LAMB4: variants seen among roughly 807,000 people sequenced by gnomAD.
LAMB4 encodes the protein laminin subunit beta-4.
LAMB4 carries 196 observed loss-of-function variants against 199.2 expected under a neutral mutation model. The ratio of observed to expected loss-of-function variants is 0.98; its 90% confidence interval spans 0.88 to 1.11. LAMB4 has a LOEUF of 1.11. LAMB4 is among the 50% of genes least tolerant of loss of function. LAMB4 has a pLI of 0.00. For synonymous variants in LAMB4, 744 were observed against 770.6 expected (o/e 0.97, Z 0.57); for missense variants, 2,080 against 2,171.2 (o/e 0.96, Z 0.83).
At chr7:108,100,637 T>C (rs888888292) in intron 10 of LAMB4, among the ~76,000 whole-genome samples, 6 of 152,246 alleles carry the variant, frequency 3.9e-5, no homozygotes, top group Non-Finnish European at 7.3e-5. Flanking sequence ...AAGACTTTGA[T>C]TGATGTGCTC....
chr7:108,128,520 C>T (rs1467645677), intron 1 of LAMB4, among the ~76,000 whole-genome samples: 1 of 152,148 alleles, frequency 6.6e-6, no homozygotes, highest in African/African-American at 2.4e-5. Flanking sequence ...TCATCTCAGC[C>T]CTTATTTCCC....
rs776960830 is a variant in LAMB4, at chr7:108,030,903, G to A, written c.4895C>T (p.Ser1632Phe). 1 of 1,614,048 alleles carries A rather than the reference G, an allele frequency of 6.2e-7. No individual in the cohort carries two copies. The highest frequency in any genetic ancestry group is 8.5e-7 in the Non-Finnish European group (1 of 1,179,990). Reference protein sequence around the residue: ...KQRSGLEDGLSLLQTKLQRHQ... With the variant: ...KQRSGLEDGLFLLQTKLQRHQ... ...CCTTTGCAACTTGGTCTGCAGCAGG[G>A]AAAGTCCATCCTCCAGCCCTGATCG... The change falls in exon 32 of 34, where the codon TCC becomes TTC. Residue 1632 changes from serine to phenylalanine, a missense_variant. Ser to Phe is a radical substitution (Grantham distance 155, BLOSUM62 -2). Transcript: ENST00000388781.
chr7:108,098,281 C>T (rs976604362), intron 11 of LAMB4, 122 bp downstream of exon 11: 3 of 475,820 alleles, frequency 6.3e-6, no homozygotes, highest in African/African-American at 5.4e-5. Context: ...TGGAGTGAGC[C>T]GAGATTTTGC....
intron 2 of LAMB4, among the ~76,000 whole-genome samples, chr7:108,116,676 A>T (rs1318483314): frequency 6.6e-6 from 1 of 152,194 alleles, no homozygotes; most frequent in Non-Finnish European, 1.5e-5. Flanking sequence ...TTTGTGCAAT[A>T]CTAGGAAAAC....
intron 2 of LAMB4, among the ~76,000 whole-genome samples, chr7:108,122,738 A>T (rs1269401853): frequency 6.6e-6 from 1 of 152,226 alleles, no homozygotes; most frequent in East Asian, 1.9e-4. Flanking sequence ...TTTAGCTTAG[A>T]GCTGCTGCTT....
In LAMB4 at chr7:108,103,193, T is replaced by C. The variant is rs777670925; in HGVS notation, c.1031A>G (p.Asp344Gly). Residue 344 changes from aspartate (D) to glycine (G), a missense_variant, in exon 10 of 34, where the codon GAC becomes GGC. Physicochemically the swap from Asp to Gly is moderately conservative, Grantham distance 94. Coordinates refer to ENST00000388781, the MANE Select transcript of LAMB4 (RefSeq NM_007356.3). ...ACCGCTTGCCAGGTACGTAGTCATG[T>C]CAAAGTGACAGCGGCTGGAGTGGCT... ...CNSHSSRCHF[D>G]MTTYLASGGL... 6.9e-6 allele frequency: 11 copies of C among 1,590,852 alleles called. No homozygotes were observed. In the Admixed American group the frequency reaches 1.4e-4, roughly 21 times the overall value.
chr7:108,034,323 T>C lies in LAMB4; in HGVS notation c.4703A>G (p.Asn1568Ser). The C allele has an allele frequency of 1.9e-6, 3 of 1,610,846 alleles. No homozygotes were observed. The highest frequency in any genetic ancestry group is 2.5e-6 in the Non-Finnish European group (3 of 1,177,008). The change falls in exon 31 of 34, where the codon AAT becomes AGT. Residue 1568 changes from asparagine (N) to serine (S), a missense_variant. Asn to Ser is a conservative substitution (Grantham distance 46). Coordinates refer to ENST00000388781, the MANE Select transcript of LAMB4 (RefSeq NM_007356.3). Reference sequence around the variant, plus strand: ...TAACTGGTTCAATGTTTTGTCAAGATTTAATAGAATATTTGCTGCTTTCCT... The same window carrying C: ...TAACTGGTTCAATGTTTTGTCAAGACTTAATAGAATATTTGCTGCTTTCCT... ...AAEKAANILL[N>S]LDKTLNQLQQ...
chr7:108,099,911 C>A (rs2037758894), intron 10 of LAMB4, among the ~76,000 whole-genome samples: 2 of 152,154 alleles, frequency 1.3e-5, no homozygotes, highest in African/African-American at 4.8e-5. Context: ...TGGTGACTTA[C>A]TATGAAAAAA....
chr7:108,030,736 G>A (rs2034996530), intron 32 of LAMB4, 70 bp downstream of exon 32: 1 of 1,439,220 alleles, frequency 6.9e-7, no homozygotes, highest in African/African-American at 1.4e-5. Flanking sequence ...ACAAAAATCT[G>A]GGGTTAAAGA....
At chr7:108,112,057 T>C (rs1210433879) in intron 3 of LAMB4, 111 bp from the exon 4 acceptor site, 4 of 796,772 alleles carry the variant, frequency 5.0e-6, no homozygotes, top group South Asian at 2.5e-5. Flanking sequence ...TGGCTAAAAA[T>C]AAAAGGCAGA....
At chr7:108,048,181 T>G in intron 27 of LAMB4, 70 bp from the exon 28 acceptor site, 1 of 1,172,716 alleles carries the variant, frequency 8.5e-7, no homozygotes, top group Non-Finnish European at 1.2e-6. Context: ...TTTTTTTTTT[T>G]TGAGACGGAG....
At position 108,035,621 on chromosome 7, in the gene LAMB4, A is replaced by G. The variant is rs1355624071; in HGVS notation, c.4680-1275T>C. 3.4e-3 allele frequency among the ~76,000 whole-genome samples: 491 copies of G among 145,278 alleles called. 1 individual carries two copies. Among genetic ancestry groups the G allele is most frequent in the African/African-American group, 0.012 (480 of 40,220 alleles). On this transcript the variant is annotated intron_variant, in intron 30 of 33. Transcript: ENST00000388781. Reference sequence around the variant, plus strand: ...GAGAGTACCAAAAAAAAAAAAAAAAAAGAAAAAAAAACGTAAGAAGGGGAA... The same window carrying G: ...GAGAGTACCAAAAAAAAAAAAAAAAGAGAAAAAAAAACGTAAGAAGGGGAA...
intron 14 of LAMB4, among the ~76,000 whole-genome samples, chr7:108,091,081 C>A (rs2037381837): frequency 1.4e-5 from 2 of 144,804 alleles, no homozygotes; most frequent in Admixed American, 7.3e-5. Flanking sequence ...TCCTTAAAGA[C>A]TTTCACCTCG....
intron 28 of LAMB4, 46 bp downstream of exon 28, chr7:108,047,862 T>C: frequency 6.6e-7 from 1 of 1,510,410 alleles, no homozygotes. Context: ...GCAGTCTGCT[T>C]CTTTATTGCT....
At chr7:108,036,990 T>C (rs2035254236) in intron 30 of LAMB4, among the ~76,000 whole-genome samples, 1 of 151,896 alleles carries the variant, frequency 6.6e-6, no homozygotes. Flanking sequence ...TAAAAAATAA[T>C]TTTGATTTCA....
In LAMB4 at chr7:108,047,905, T is replaced by A. The variant is rs775828652; in HGVS notation, c.4326+3A>T. On this transcript the variant is annotated splice_donor_region_variant and intron_variant, in intron 28 of 33. Transcript: ENST00000388781. ...TACAAATAAAGCAAGAGAAGATATT[T>A]ACCTGATTTTTCAACCCACGAACCT... 1.2e-6 allele frequency: 2 copies of A among 1,610,444 alleles called. No individual in the cohort carries two copies. The highest frequency in any genetic ancestry group is 2.7e-5 in the African/African-American group (2 of 74,850).
At chr7:108,090,304 C>A (rs423686) in intron 14 of LAMB4, among the ~76,000 whole-genome samples, 75,518 of 152,020 alleles carry the variant, frequency 0.5, 19,329 homozygotes, top group East Asian at 0.6. Context: ...CAGCAGAGAA[C>A]GAAAATTATT....
At chr7:108,097,647 T>C (rs1004315430) in intron 11 of LAMB4, among the ~76,000 whole-genome samples, 6 of 152,018 alleles carry the variant, frequency 3.9e-5, no homozygotes, top group Non-Finnish European at 8.8e-5. Flanking sequence ...TAGCCGGGCG[T>C]GGTGGCAGGC....
intron 1 of LAMB4, among the ~76,000 whole-genome samples, chr7:108,127,137 G>A (rs1188026674): frequency 6.7e-6 from 1 of 150,314 alleles, no homozygotes; most frequent in African/African-American, 2.5e-5. Context: ...GCATAACCCA[G>A]TGCTTTCCAA....
Sources: gnomAD v4.1 joint callset for allele counts (sites outside exome capture counted in the v4.1 genomes callset) on GRCh38, gnomAD v4.1.1 for gene constraint, MANE v1.5 for transcripts, NCBI Gene and HGNC (gene_info 2026-07-23, HGNC 2026-07-21) for gene names.